Variants in AGO3 observed in about 807,000 individuals in gnomAD.
The protein encoded by AGO3 is argonaute RISC catalytic component 3.
A neutral mutation model predicts 105.5 loss-of-function variants in AGO3; 16 were observed. That is an observed-to-expected ratio of 0.15 (90% CI 0.10 to 0.23). The LOEUF is 0.23. Among genes scored for constraint, AGO3 ranks in the 10% least tolerant of loss-of-function variants. AGO3 has a pLI of 1.00. For synonymous variants in AGO3, 340 were observed against 367.3 expected, an observed-to-expected ratio of 0.93 and a Z score of 0.85; for missense variants, 534 against 1,088.0, an observed-to-expected ratio of 0.49 and a Z score of 7.16.
intron 5 of AGO3, among the ~76,000 whole-genome samples, chr1:35,994,835 TAAGA>T (rs1648119598): frequency 6.6e-6 from 1 of 152,138 alleles, no homozygotes; most frequent in Non-Finnish European, 1.5e-5. Context: ...AAAGCATTAC[TAAGA>T]AAGACAAGGA....
chr1:36,054,249 CT>C (rs1191017317), intron 17 of AGO3, among the ~76,000 whole-genome samples: 1 of 152,058 alleles, frequency 6.6e-6, no homozygotes, highest in Non-Finnish European at 1.5e-5. Flanking sequence ...CCCAGCTTTA[CT>C]TTTCTATTTT....
rs966045292 is a variant in AGO3, at chr1:36,064,708, G to T, written c.*8963G>T. 1.3e-5 allele frequency: 2 copies of T among 152,168 alleles called. No homozygotes were observed. The highest frequency in any genetic ancestry group is 4.8e-5 in the African/African-American group (2 of 41,438). 9.4% of individuals were successfully genotyped at this position (152,168 alleles called of 1,614,324 possible). A position where few individuals can be genotyped will look rare whatever the true frequency, so the allele number is the denominator to read the frequency against. On this transcript the variant is annotated 3_prime_UTR_variant, in exon 19 of 19. Transcript: ENST00000373191. ...AGATCAGCATGTGATTTCTTGTAGA[G>T]ATTAGCCATTTCATTTCTTTTTGCA...
chr1:35,965,489 C>CAAAAAAAAAA (rs1171759827), intron 2 of AGO3, among the ~76,000 whole-genome samples: 1 of 87,424 alleles, frequency 1.1e-5, no homozygotes, highest in Non-Finnish European at 2.4e-5. Context: ...GACGCTGTCT[C>CAAAAAAAAAA]AAAAAAAAAA....
chr1:35,960,645 A>T (rs995170779), intron 2 of AGO3, among the ~76,000 whole-genome samples: 1 of 151,952 alleles, frequency 6.6e-6, no homozygotes, highest in Non-Finnish European at 1.5e-5. Flanking sequence ...CCATCTCTTT[A>T]AAAAAAATTC....
intron 5 of AGO3, among the ~76,000 whole-genome samples, chr1:35,975,949 TTTTC>T (rs568245740): frequency 1.5e-3 from 226 of 152,216 alleles, no homozygotes; most frequent in Non-Finnish European, 2.8e-3. Flanking sequence ...TTCTTTTCTT[TTTTC>T]TTTCTTTTTT....
chr1:36,004,686 T>C (rs1345811140), intron 6 of AGO3, among the ~76,000 whole-genome samples: 1 of 152,184 alleles, frequency 6.6e-6, no homozygotes, highest in Non-Finnish European at 1.5e-5. Context: ...TTAGTATCAC[T>C]ACCAGCTAAT....
Position 36,034,304 on chromosome 1 carries a change from G to T in AGO3, c.1722G>T (p.Gly574=), listed in dbSNP as rs1470040100. Residue 574 remains glycine, a synonymous_variant, in exon 13 of 19, where the codon GGG becomes GGT. Coordinates refer to ENST00000373191, the MANE Select transcript of AGO3 (RefSeq NM_024852.4). ...TAAAGATAAATGTTAAACTCGGAGG[G>T]ATCAATAATATTCTTGTACCTCATC... ...LCLKINVKLG[G]INNILVPHQR... 6.2e-7 allele frequency: 1 copy of T among 1,604,960 alleles called. No individual in the cohort carries two copies. Among genetic ancestry groups the T allele is most frequent in the Non-Finnish European group, 8.5e-7 (1 of 1,177,136 alleles).
intron 1 of AGO3, among the ~76,000 whole-genome samples, chr1:35,935,717 C>A (rs1646135362): frequency 6.6e-6 from 1 of 152,156 alleles, no homozygotes; most frequent in South Asian, 2.1e-4. Flanking sequence ...CTGATGGATT[C>A]TAGTTGAATA....
intron 5 of AGO3, among the ~76,000 whole-genome samples, chr1:35,976,202 T>C (rs897746369): frequency 2.6e-5 from 4 of 152,230 alleles, no homozygotes; most frequent in Non-Finnish European, 5.9e-5. Context: ...CCCAGAGTGC[T>C]GGGATTACAG....
Position 35,945,846 on chromosome 1 carries a change from T to G in AGO3, c.174T>G (p.Cys58Trp). The change falls in exon 2 of 19, where the codon TGT becomes TGG. Residue 58 changes from cysteine to tryptophan, a missense_variant. Around this residue, in one of 2 missense-constraint regions of AGO3, gnomAD observed 161 missense variants for 234.0 expected, o/e 0.69. Coordinates refer to ENST00000373191, the MANE Select transcript of AGO3 (RefSeq NM_024852.4). ...LYEVDIKPDK[C>W]PRRVNREVVD... ...AGGTAGATATTAAACCAGACAAGTG[T>G]CCTAGGAGAGTGAACAGGTAAGAAT... is the stretch of plus-strand genomic sequence containing the variant. 6.2e-7 allele frequency: 1 copy of G among 1,613,586 alleles called. No homozygotes were observed. Among genetic ancestry groups the G allele is most frequent in the Non-Finnish European group, 8.5e-7 (1 of 1,179,908 alleles).
intron 2 of AGO3, among the ~76,000 whole-genome samples, chr1:35,964,738 C>G (rs1419780525): frequency 6.6e-6 from 1 of 152,200 alleles, no homozygotes; most frequent in East Asian, 1.9e-4. Context: ...TTTACACTCT[C>G]ACCAACAGTG....
At chr1:36,041,112 C>T (rs1245693981) in intron 16 of AGO3, among the ~76,000 whole-genome samples, 1 of 144,606 alleles carries the variant, frequency 6.9e-6, no homozygotes, top group African/African-American at 2.6e-5. Flanking sequence ...TTTATACAAA[C>T]TAACTTTTAG....
intron 13 of AGO3, among the ~76,000 whole-genome samples, chr1:36,035,905 C>T (rs373992370): frequency 1.1e-3 from 174 of 151,918 alleles, no homozygotes; most frequent in African/African-American, 3.7e-3. Context: ...TGGTGGCGGG[C>T]GCCTGTAGTC....
At chr1:35,931,552 G>A in intron 1 of AGO3, 107 bp downstream of exon 1, 1 of 1,178,124 alleles carries the variant, frequency 8.5e-7, no homozygotes, top group Middle Eastern at 2.4e-4. Context: ...GCGTCGGGCG[G>A]GCATCGCTCG....
At chr1:35,941,305 A>G (rs552824426) in intron 1 of AGO3, among the ~76,000 whole-genome samples, 1 of 152,230 alleles carries the variant, frequency 6.6e-6, no homozygotes, top group South Asian at 2.1e-4. Context: ...AGTTCTAGCC[A>G]ACATTATCTT....
intron 2 of AGO3, among the ~76,000 whole-genome samples, chr1:35,954,430 A>G (rs1646529138): frequency 6.6e-6 from 1 of 152,208 alleles, no homozygotes; most frequent in East Asian, 1.9e-4. Flanking sequence ...CAATAGCTGT[A>G]TAGTGTTCTA....
chr1:36,026,357 C>T (rs1641503100), intron 11 of AGO3, among the ~76,000 whole-genome samples: 1 of 152,172 alleles, frequency 6.6e-6, no homozygotes, highest in Admixed American at 6.5e-5. Context: ...ATCCTCCTGC[C>T]TCAGCCTCCC....
rs1346196398 is a variant in AGO3 at position 36,062,418 on chromosome 1, TC to T, written c.*6674del. ...TAAGTGAGAAAGCAAAATGATAATCTCTATTGTTAGAGAAATTTTCTTTTCT... is the reference window on the plus strand; with the variant it reads ...TAAGTGAGAAAGCAAAATGATAATCTTATTGTTAGAGAAATTTTCTTTTCT... On this transcript the variant is annotated 3_prime_UTR_variant, in exon 19 of 19. Coordinates refer to ENST00000373191, the MANE Select transcript of AGO3 (RefSeq NM_024852.4). The T allele has an allele frequency of 3.9e-5, 6 of 152,294 alleles. No individual in the cohort carries two copies. The highest frequency in any genetic ancestry group is 1.4e-4 in the African/African-American group (6 of 41,554). The allele number at this position is 152,294 out of a possible 1,614,324, so 9.4% of individuals were successfully genotyped here.
intron 2 of AGO3, among the ~76,000 whole-genome samples, chr1:35,949,476 A>G (rs1026258845): frequency 6.6e-5 from 10 of 152,330 alleles, no homozygotes; most frequent in African/African-American, 1.9e-4. Flanking sequence ...CTGTGCTTCA[A>G]CAACTGGAAT....
Sources: allele counts gnomAD v4.1 joint callset (sites outside exome capture counted in the v4.1 genomes callset), GRCh38; gene constraint gnomAD v4.1.1; regional missense constraint gnomAD v4.1.1; transcripts MANE v1.5; gene names NCBI Gene and HGNC (gene_info 2026-07-23, HGNC 2026-07-21).